The following KCNH8 variants were observed in gnomAD, a reference collection of about 807,000 sequenced individuals.
The protein encoded by KCNH8 is voltage-gated delayed rectifier potassium channel KCNH8.
A neutral mutation model predicts 103.6 loss-of-function variants in KCNH8; 70 were observed. The observed-to-expected ratio is 0.68, with a 90% CI of 0.56 to 0.82. The LOEUF (loss-of-function observed/expected upper bound fraction) is 0.82. KCNH8 is among the 40% of genes least tolerant of loss of function. The probability of loss-of-function intolerance (pLI) is 0.00; values close to 1 mark genes in which losing one functional copy is unlikely to be tolerated. For missense variants in KCNH8, 1,217 were observed against 1,329.9 expected (o/e 0.92, Z 1.32); for synonymous variants, 498 against 489.4 (o/e 1.02, Z -0.23).
chr3:19,356,508 A>G (rs578017436), intron 5 of KCNH8, among the ~76,000 whole-genome samples: 2 of 152,122 alleles, frequency 1.3e-5, no homozygotes, highest in South Asian at 4.1e-4. Flanking sequence ...TGTAAGCCAC[A>G]TTAATTATTT....
intron 11 of KCNH8, among the ~76,000 whole-genome samples, chr3:19,487,431 T>C (rs769962154): frequency 6.6e-6 from 1 of 152,108 alleles, no homozygotes; most frequent in Non-Finnish European, 1.5e-5. Context: ...AGGTAGGTGT[T>C]CTATGGAGAC....
At chr3:19,504,891 C>A (rs929357312) in intron 11 of KCNH8, among the ~76,000 whole-genome samples, 2 of 151,686 alleles carry the variant, frequency 1.3e-5, no homozygotes, top group South Asian at 2.1e-4. Flanking sequence ...TTCATTACAG[C>A]ACTATTCACA....
intron 11 of KCNH8, among the ~76,000 whole-genome samples, chr3:19,480,565 G>A (rs1218511499): frequency 1.3e-5 from 2 of 152,148 alleles, no homozygotes; most frequent in African/African-American, 4.8e-5. Flanking sequence ...TCAGGTATGA[G>A]CCTATGAGAG....
chr3:19,196,457 A>C (rs2063603153), intron 1 of KCNH8, among the ~76,000 whole-genome samples: 1 of 150,418 alleles, frequency 6.6e-6, no homozygotes, highest in Non-Finnish European at 1.5e-5. Flanking sequence ...GAAAGACTGA[A>C]ATGAAAAAAA....
At chr3:19,251,729 T>A (rs1050510646) in intron 1 of KCNH8, among the ~76,000 whole-genome samples, 8 of 152,098 alleles carry the variant, frequency 5.3e-5, no homozygotes, top group African/African-American at 1.9e-4. Flanking sequence ...ATATAAAGCA[T>A]GTGGGATAAA....
chr3:19,441,008 G>T lies in KCNH8; in HGVS notation c.1375+2647G>T, dbSNP rs528661640. Among the ~76,000 whole-genome samples the T allele has an allele frequency of 2.2e-3, 333 of 152,198 alleles. 2 individuals are homozygous for T. The highest frequency in any genetic ancestry group is 3.8e-3 in the Non-Finnish European group (261 of 68,004). On this transcript the variant is annotated intron_variant, in intron 8 of 15. Transcript: ENST00000328405. ...CTGACCTCAGTTGCTTTCTCTTATG[G>T]GAGGAACCAAGGGAAGACTGGCAGG...
intron 5 of KCNH8, among the ~76,000 whole-genome samples, chr3:19,374,656 G>C (rs2066161998): frequency 6.6e-6 from 1 of 151,814 alleles, no homozygotes; most frequent in Non-Finnish European, 1.5e-5. Context: ...TATGATGTCA[G>C]CTGGTTCTTT....
intron 1 of KCNH8, among the ~76,000 whole-genome samples, chr3:19,214,458 C>T: frequency 6.6e-6 from 1 of 152,262 alleles, no homozygotes; most frequent in Admixed American, 6.5e-5. Context: ...TTCCTCCTCT[C>T]CCACCTATGG....
chr3:19,479,697 G>GATA (rs1475477525), intron 11 of KCNH8, among the ~76,000 whole-genome samples: 2 of 152,174 alleles, frequency 1.3e-5, no homozygotes, highest in Non-Finnish European at 2.9e-5. Context: ...CTGCTGATTT[G>GATA]CTGTGTCTCT....
intron 1 of KCNH8, among the ~76,000 whole-genome samples, chr3:19,214,818 C>G (rs1287337901): frequency 6.6e-6 from 1 of 152,212 alleles, no homozygotes; most frequent in Non-Finnish European, 1.5e-5. Flanking sequence ...CTCGTGCTCT[C>G]TAACCAGCAT....
At chr3:19,516,147 T>C (rs7620078) in intron 14 of KCNH8, among the ~76,000 whole-genome samples, 13,291 of 152,128 alleles carry the variant, frequency 0.087, 967 homozygotes, top group East Asian at 0.18. Flanking sequence ...AACTACCTAA[T>C]GCAAGGCCAG....
intron 2 of KCNH8, among the ~76,000 whole-genome samples, chr3:19,271,458 A>G (rs761052370): frequency 1.3e-5 from 2 of 152,176 alleles, no homozygotes; most frequent in African/African-American, 4.8e-5. Context: ...GAAATGTTTC[A>G]TACATACACA....
intron 11 of KCNH8, among the ~76,000 whole-genome samples, chr3:19,495,572 T>C (rs939780082): frequency 2.0e-5 from 3 of 152,178 alleles, no homozygotes; most frequent in African/African-American, 4.8e-5. Flanking sequence ...ATATGTCTGG[T>C]TTTGTACAAG....
At chr3:19,419,414 A>G (rs1228759314) in intron 7 of KCNH8, among the ~76,000 whole-genome samples, 2 of 151,210 alleles carry the variant, frequency 1.3e-5, no homozygotes, top group African/African-American at 4.9e-5. Context: ...GTTAGCCAGG[A>G]TGGTCTCGAT....
At chr3:19,360,367 T>C (rs1319071091) in intron 5 of KCNH8, among the ~76,000 whole-genome samples, 1 of 152,092 alleles carries the variant, frequency 6.6e-6, no homozygotes, top group Non-Finnish European at 1.5e-5. Context: ...AAAAAGAATA[T>C]AGAGCAGGGA....
At chr3:19,253,479 A>G (rs1468186332) in intron 1 of KCNH8, among the ~76,000 whole-genome samples, 175 bp from the exon 2 acceptor site, 1 of 151,994 alleles carries the variant, frequency 6.6e-6, no homozygotes, top group East Asian at 1.9e-4. Context: ...CTTAATGCAT[A>G]CTTCTGCTGG....
chr3:19,247,447 C>T (rs1050005844), intron 1 of KCNH8, among the ~76,000 whole-genome samples: 4 of 152,146 alleles, frequency 2.6e-5, no homozygotes, highest in African/African-American at 9.7e-5. Context: ...TTCAATATCA[C>T]AAGGGATACA....
At chr3:19,296,066 A>T (rs376893029) in intron 3 of KCNH8, among the ~76,000 whole-genome samples, 59 of 152,268 alleles carry the variant, frequency 3.9e-4, no homozygotes, top group African/African-American at 1.4e-3. Flanking sequence ...AAATTCCATG[A>T]TGCTTTACAT....
intron 8 of KCNH8, among the ~76,000 whole-genome samples, chr3:19,441,885 C>A (rs1477757513): frequency 6.6e-6 from 1 of 152,136 alleles, no homozygotes; most frequent in African/African-American, 2.4e-5. Context: ...ACAGTGAAAT[C>A]AAAGAAGTAT....
Sources: allele counts gnomAD v4.1 joint callset (sites outside exome capture counted in the v4.1 genomes callset), GRCh38; gene constraint gnomAD v4.1.1; transcripts MANE v1.5; gene names NCBI Gene and HGNC (gene_info 2026-07-23, HGNC 2026-07-21).